USP32: variants seen among roughly 807,000 people sequenced by gnomAD.
The protein encoded by USP32 is ubiquitin specific peptidase 32.
In USP32, 59 loss-of-function variants were observed where a neutral mutation model predicts 204.8. That is an observed-to-expected ratio of 0.29 (90% confidence interval 0.23 to 0.36). The LOEUF (loss-of-function observed/expected upper bound fraction) is 0.36. USP32 is among the 10% of genes least tolerant of loss of function. USP32 has a pLI of 1.00. For missense variants in USP32, 1,160 were observed against 1,946.4 expected (o/e 0.60, Z 7.60); for synonymous variants, 517 against 678.4 (o/e 0.76, Z 3.70).
At chr17:60,213,438 T>C in intron 18 of USP32, 143 bp downstream of exon 18, 1 of 518,714 alleles carries the variant, frequency 1.9e-6, no homozygotes, top group Non-Finnish European at 3.4e-6. Context: ...TCTTTTTCTT[T>C]TTTTTCCAAA....
intron 14 of USP32, 152 bp downstream of exon 14, chr17:60,223,259 C>A (rs2085300692): frequency 1.6e-6 from 1 of 625,410 alleles, no homozygotes; most frequent in Non-Finnish European, 2.6e-6. Flanking sequence ...CATAAATATT[C>A]TCACAGAAAT....
intron 2 of USP32, among the ~76,000 whole-genome samples, chr17:60,327,216 T>C (rs563125555): frequency 1.3e-5 from 2 of 152,334 alleles, no homozygotes; most frequent in South Asian, 2.1e-4. Flanking sequence ...TGACATTATA[T>C]ACACGTATCT....
intron 1 of USP32, among the ~76,000 whole-genome samples, chr17:60,419,857 ATTATT>A (rs1246666994): frequency 7.6e-4 from 102 of 133,882 alleles, no homozygotes; most frequent in Non-Finnish European, 1.3e-3. Context: ...TATTATTATT[ATTATT>A]TTATTATTAT....
chr17:60,392,427 C>T (rs1010951627), upstream of USP32: 2 of 243,098 alleles, frequency 8.2e-6, no homozygotes, highest in Non-Finnish European at 1.7e-5. Context: ...GCGCCCCGCC[C>T]GGGCGCCTCC....
At chr17:60,327,600 C>T (rs934753816) in intron 2 of USP32, among the ~76,000 whole-genome samples, 26 of 151,634 alleles carry the variant, frequency 1.7e-4, no homozygotes, top group Non-Finnish European at 2.9e-4. Flanking sequence ...GGACATGGAG[C>T]CCCCACACCA....
chr17:60,362,623 GT>G (rs911057132), intron 1 of USP32, among the ~76,000 whole-genome samples: 17 of 152,212 alleles, frequency 1.1e-4, no homozygotes, highest in Non-Finnish European at 1.0e-4. Flanking sequence ...GTATTCATTA[GT>G]TTTTTTCGTT....
chr17:60,395,334 A>G (rs2089893852), upstream of USP32, among the ~76,000 whole-genome samples: 2 of 152,250 alleles, frequency 1.3e-5, no homozygotes, highest in African/African-American at 4.8e-5. Context: ...GAGATAGCAG[A>G]TTAAGAAATA....
At chr17:60,310,903 G>A (rs2087837096) in intron 2 of USP32, among the ~76,000 whole-genome samples, 1 of 152,052 alleles carries the variant, frequency 6.6e-6, no homozygotes. Context: ...AGCACAGAGA[G>A]ACAAATATCA....
chr17:60,407,336 A>C (rs964404500), intron 1 of USP32, among the ~76,000 whole-genome samples: 8 of 152,166 alleles, frequency 5.3e-5, no homozygotes, highest in Admixed American at 4.6e-4. Flanking sequence ...AATTGAAGAG[A>C]TGTAACTGAA....
chr17:60,328,337 T>C (rs530983718), intron 2 of USP32, among the ~76,000 whole-genome samples: 1 of 152,176 alleles, frequency 6.6e-6, no homozygotes, highest in Admixed American at 6.5e-5. Context: ...AGAGAGGAGC[T>C]ACCCTCTCTG....
intron 1 of USP32, among the ~76,000 whole-genome samples, chr17:60,407,606 C>T (rs2089986709): frequency 6.6e-6 from 1 of 151,966 alleles, no homozygotes; most frequent in Admixed American, 6.6e-5. Context: ...CTACAAAATA[C>T]AGACATTCAA....
chr17:60,417,274 T>C (rs2090069230), intron 1 of USP32, among the ~76,000 whole-genome samples: 1 of 152,004 alleles, frequency 6.6e-6, no homozygotes, highest in South Asian at 2.1e-4. Flanking sequence ...TCTTGATCCA[T>C]ATTTGTGTCC....
Position 60,192,927 on chromosome 17 carries a change from G to A in USP32, c.3438C>T (p.Asp1146=), listed in dbSNP as rs139004365. 5.7e-5 allele frequency: 92 copies of A among 1,613,400 alleles called. No individual in the cohort carries two copies. In the East Asian group the frequency reaches 1.1e-3, roughly 20 times the overall value. Residue 1146 remains aspartate (D), a synonymous_variant, in exon 28 of 34, where the codon GAC becomes GAT. Transcript: ENST00000300896. ...ATGGATATTGATAGCCCATACTGTC[G>A]TCACTGAAACAGAAGAGAACAAAAA... The part of the protein sequence containing the change: ...QEASNHAQDC[D]DSMGYQYPFT...
At chr17:60,370,764 CA>C (rs112650493) in intron 1 of USP32, among the ~76,000 whole-genome samples, 17,515 of 72,702 alleles carry the variant, frequency 0.24, 2,283 homozygotes, top group African/African-American at 0.47. Context: ...GCTACTGTCT[CA>C]AAAAAAAAAA....
chr17:60,244,823 G>T (rs1328342512), intron 11 of USP32, among the ~76,000 whole-genome samples: 1 of 152,178 alleles, frequency 6.6e-6, no homozygotes, highest in South Asian at 2.1e-4. Flanking sequence ...GTAGAGACGA[G>T]GTTTTGCCAT....
At chr17:60,366,039 G>C (rs1053994439) in intron 1 of USP32, among the ~76,000 whole-genome samples, 13 of 152,120 alleles carry the variant, frequency 8.5e-5, no homozygotes, top group Admixed American at 7.9e-4. Context: ...GTGCAATGGC[G>C]CGATCTCGGC....
intron 13 of USP32, 47 bp from the exon 14 acceptor site, chr17:60,223,633 C>A: frequency 6.6e-7 from 1 of 1,523,040 alleles, no homozygotes; most frequent in Non-Finnish European, 8.8e-7. Context: ...AGTTATTATA[C>A]ATAAACAGGC....
intron 7 of USP32, among the ~76,000 whole-genome samples, chr17:60,266,686 C>T (rs1175797338): frequency 2.0e-5 from 3 of 147,396 alleles, no homozygotes; most frequent in Non-Finnish European, 4.5e-5. Flanking sequence ...GATGGAGTCT[C>T]ACTCTGTCGC....
At position 60,228,508 on chromosome 17, in the gene USP32, T is replaced by C. The variant is rs1036355680; in HGVS notation, c.1240-2277A>G. ...GGTTTCTTTTTTCTTTTTCTTTTTT[T>C]TTTTTTTTTTAATTAAAACAAGTTT... is the stretch of plus-strand genomic sequence containing the variant. On this transcript the variant is annotated intron_variant, in intron 12 of 33. Coordinates refer to ENST00000300896, the MANE Select transcript of USP32 (RefSeq NM_032582.4). 2.6e-3 allele frequency among the ~76,000 whole-genome samples: 386 copies of C among 149,558 alleles called. 2 individuals carry two copies. The highest frequency in any genetic ancestry group is 4.5e-3 in the Non-Finnish European group (303 of 67,796).
Sources: allele counts gnomAD v4.1 joint callset (sites outside exome capture counted in the v4.1 genomes callset), GRCh38; gene constraint gnomAD v4.1.1; transcripts MANE v1.5; gene names NCBI Gene and HGNC (gene_info 2026-07-23, HGNC 2026-07-21).